The following PAGE1 variants were observed in gnomAD, a reference collection of about 807,000 sequenced individuals.
PAGE1 encodes PAGE family member 1.
Under a neutral mutation model 11.5 loss-of-function variants are expected in PAGE1, and 6 were observed. The observed-to-expected ratio is 0.52, with a 90% CI of 0.29 to 1.03. PAGE1 has a LOEUF of 1.03. Ranked by LOEUF, PAGE1 falls within the 50% of genes least tolerant of loss-of-function variation. The pLI is 0.09. For synonymous variants in PAGE1, 42 were observed against 40.2 expected (o/e 1.05, Z -0.17); for missense variants, 120 against 110.2 (o/e 1.09, Z -0.40).
At chrX:49,689,170 G>A (rs1414695937) in intron 5 of PAGE1, among the ~76,000 whole-genome samples, 4 of 108,784 alleles carry the variant, frequency 3.7e-5, no homozygotes, top group Non-Finnish European at 7.6e-5. Context: ...GCAAAACCTC[G>A]TCTCTACTAA....
At chrX:49,690,609 C>A (rs1414136683) in intron 4 of PAGE1, among the ~76,000 whole-genome samples, 1 of 111,380 alleles carries the variant, frequency 9.0e-6, no homozygotes, top group Non-Finnish European at 1.9e-5. Flanking sequence ...ATGTCCGTAT[C>A]CTGAATGACA....
At chrX:49,694,808 T>C (rs782050493) in intron 1 of PAGE1, 30 bp from the exon 2 acceptor site, 3 of 874,143 alleles carry the variant, frequency 3.4e-6, no homozygotes, top group Non-Finnish European at 5.0e-6. Flanking sequence ...ATTGGGAACA[T>C]GCACTTGAGA....
intron 3 of PAGE1, among the ~76,000 whole-genome samples, chrX:49,691,841 T>C (rs1480791139): frequency 1.8e-5 from 2 of 111,277 alleles, no homozygotes; most frequent in Non-Finnish European, 3.8e-5. Context: ...TCTTGAAAAA[T>C]GTCAGTATCA....
chrX:49,690,445 G>A (rs957043587), intron 4 of PAGE1, among the ~76,000 whole-genome samples: 2 of 109,691 alleles, frequency 1.8e-5, no homozygotes. Flanking sequence ...CTGAAACCCT[G>A]TCTCTCACAG....
chrX:49,693,769 A>G (rs782467721), intron 3 of PAGE1, among the ~76,000 whole-genome samples: 1 of 111,261 alleles, frequency 9.0e-6, no homozygotes, highest in Non-Finnish European at 1.9e-5. Flanking sequence ...TTACAGCAAC[A>G]TAGATGGTAG....
intron 5 of PAGE1, 45 bp from the exon 6 acceptor site, chrX:49,687,608 T>TTATTTA (rs782731152): frequency 8.8e-7 from 1 of 1,136,875 alleles, no homozygotes; most frequent in African/African-American, 1.8e-5. Flanking sequence ...TAGCAGCAGA[T>TTATTTA]TATTTAGATG....
At chrX:49,694,259 C>T in intron 2 of PAGE1, 58 bp from the exon 3 acceptor site, 1 of 634,101 alleles carries the variant, frequency 1.6e-6, no homozygotes, top group Non-Finnish European at 2.5e-6. Flanking sequence ...GTTATTAATA[C>T]ATGTCAAAAA....
intron 1 of PAGE1, among the ~76,000 whole-genome samples, chrX:49,695,623 C>G (rs1411434703): frequency 8.9e-6 from 1 of 112,312 alleles, no homozygotes; most frequent in Non-Finnish European, 1.9e-5. Context: ...CACCTGAGCC[C>G]CTGACCGCTT....
chrX:49,692,580 A>C (rs1348326837), intron 3 of PAGE1, among the ~76,000 whole-genome samples: 1 of 110,593 alleles, frequency 9.0e-6, no homozygotes, highest in East Asian at 2.8e-4. Context: ...TAAAGTAAAA[A>C]CTTGTAAGAA....
In PAGE1 at chrX:49,689,398, A is replaced by G. The variant is rs782138288; in HGVS notation, c.418+20T>C. The G allele has an allele frequency of 2.8e-6, 3 of 1,077,481 alleles. No homozygotes were observed. The highest frequency in any genetic ancestry group is 2.5e-6 in the Non-Finnish European group (2 of 816,004). 88.8% of individuals were successfully genotyped at this position (1,077,481 alleles called of 1,213,427 possible). A position where few individuals can be genotyped will look rare whatever the true frequency, so the allele number is the denominator to read the frequency against. On this transcript the variant is annotated intron_variant, in intron 5 of 5. Transcript: ENST00000376150. ...TGGAAACAGACACCCTACAATTTGC[A>G]TGCCTAATGGATTGCCTACCTTCCT...
At chrX:49,695,511 C>CG (rs2066938534) in intron 1 of PAGE1, among the ~76,000 whole-genome samples, 1 of 111,676 alleles carries the variant, frequency 9.0e-6, no homozygotes, top group Non-Finnish European at 1.9e-5. Context: ...CCTCCCGCCT[C>CG]GGGGCCCCAT....
At chrX:49,689,828 G>GTA (rs1194607753) in intron 4 of PAGE1, among the ~76,000 whole-genome samples, 2 of 56,824 alleles carry the variant, frequency 3.5e-5, no homozygotes, top group Non-Finnish European at 5.6e-5. Context: ...ACATATATGT[G>GTA]TATATATGTG....
intron 4 of PAGE1, among the ~76,000 whole-genome samples, chrX:49,690,417 A>G (rs1179774286): frequency 9.1e-6 from 1 of 109,566 alleles, no homozygotes; most frequent in Admixed American, 9.9e-5. Context: ...TGTCCTTATC[A>G]TATTAAATGA....
At position 49,691,811 on chromosome X, in the gene PAGE1, G is replaced by A. The variant is rs144852638; in HGVS notation, c.167-437C>T. Among the ~76,000 whole-genome samples the A allele has an allele frequency of 2.2e-3, 250 of 111,394 alleles. 2 individuals carry two copies. The highest frequency in any genetic ancestry group is 3.8e-3 in the Non-Finnish European group (202 of 53,044). On this transcript the variant is annotated intron_variant, in intron 3 of 5. Coordinates refer to ENST00000376150, the MANE Select transcript of PAGE1 (RefSeq NM_003785.4). ...AAAAGCCCAAAGTGCTAAACGTTCCGCAAACCAACTGGTCTATCCTCTTGA... is the reference window on the plus strand; with the variant it reads ...AAAAGCCCAAAGTGCTAAACGTTCCACAAACCAACTGGTCTATCCTCTTGA...
In PAGE1 at chrX:49,689,477, C is replaced by T. The variant is rs2066895719; in HGVS notation, c.359G>A (p.Gly120Asp). 2 of 1,057,495 alleles carry T rather than the reference C, an allele frequency of 1.9e-6. No homozygotes were observed. The highest frequency in any genetic ancestry group is 2.8e-5 in the Admixed American group (1 of 36,055). 87.1% of individuals were successfully genotyped at this position (1,057,495 alleles called of 1,213,427 possible). A position where few individuals can be genotyped will look rare whatever the true frequency, so the allele number is the denominator to read the frequency against. Residue 120 changes from glycine (G) to aspartate (D), a missense_variant, in exon 5 of 6, where the codon GGT becomes GAT. Gly to Asp is a moderately conservative substitution (Grantham distance 94). Transcript: ENST00000376150. ...HPKTGCERGDGPDVQELGLPN... is the reference protein window; with the variant it reads ...HPKTGCERGDDPDVQELGLPN... ...CAGGCCCAACTCCTGGACATCAGGA[C>T]CATCTCCGCGCTCACACCCAGTCTT...
intron 4 of PAGE1, 22 bp from the exon 5 acceptor site, chrX:49,689,565 AAAAAAAAAAAATATAT>A (rs2066897437): frequency 5.3e-6 from 1 of 187,807 alleles, no homozygotes; most frequent in African/African-American, 1.0e-4. Context: ...AAAAAAAAAA[AAAAAAAAAAAATATAT>A]ATATATATAT....
At position 49,687,565 on chromosome X, in the gene PAGE1, T is replaced by C; in HGVS notation, c.419-2A>G. ...TTTAAGGCTGTGATTGCCCTTCATC[T>C]GTAACAGAAACATAACTGTTAGGAA... On this transcript the variant is annotated splice_acceptor_variant, in intron 5 of 5. Coordinates refer to ENST00000376150, the MANE Select transcript of PAGE1 (RefSeq NM_003785.4). LOFTEE classifies it high-confidence loss of function. 1 of 1,203,080 alleles carries C rather than the reference T, an allele frequency of 8.3e-7. No homozygotes were observed. Among genetic ancestry groups the C allele is most frequent in the Non-Finnish European group, 1.1e-6 (1 of 889,489 alleles).
At chrX:49,691,863 G>A (rs888891787) in intron 3 of PAGE1, among the ~76,000 whole-genome samples, 9 of 112,182 alleles carry the variant, frequency 8.0e-5, no homozygotes, top group African/African-American at 2.9e-4. Context: ...CCAGCCGGGC[G>A]TGGTGGCTCA....
At chrX:49,694,842 C>A in intron 1 of PAGE1, 64 bp from the exon 2 acceptor site, 1 of 583,493 alleles carries the variant, frequency 1.7e-6, no homozygotes. Flanking sequence ...CGATCACTTC[C>A]ATGGCTAAAT....
Sources: gnomAD v4.1 joint callset for allele counts (sites outside exome capture counted in the v4.1 genomes callset) on GRCh38, gnomAD v4.1.1 for gene constraint, MANE v1.5 for transcripts, NCBI Gene and HGNC (gene_info 2026-07-23, HGNC 2026-07-21) for gene names.